LRRC4C: variants seen among roughly 807,000 people sequenced by gnomAD.
LRRC4C encodes leucine-rich repeat-containing protein 4C.
In LRRC4C, 5 loss-of-function variants were observed where a neutral mutation model predicts 33.6. The observed-to-expected ratio is 0.15, with a 90% CI of 0.08 to 0.31. The LOEUF is 0.31. LRRC4C is among the 10% of genes least tolerant of loss of function. The probability of loss-of-function intolerance (pLI) is 1.00; values close to 1 mark genes in which losing one functional copy is unlikely to be tolerated. For missense variants in LRRC4C, 560 were observed against 796.7 expected (o/e 0.70, Z 3.58); for synonymous variants, 329 against 302.0 (o/e 1.09, Z -0.93).
intron 3 of LRRC4C, among the ~76,000 whole-genome samples, chr11:40,470,724 C>A (rs115417797): frequency 2.6e-5 from 4 of 152,094 alleles, no homozygotes; most frequent in East Asian, 1.9e-4. Flanking sequence ...CAGCACGAGA[C>A]CTTTGTGAAG....
chr11:41,018,509 G>C (rs1191592029), intron 1 of LRRC4C, among the ~76,000 whole-genome samples: 2 of 152,106 alleles, frequency 1.3e-5, no homozygotes, highest in Non-Finnish European at 2.9e-5. Context: ...TCTCATTTCA[G>C]CTTTTTATTT....
At chr11:41,092,176 A>T (rs557800657) in intron 1 of LRRC4C, among the ~76,000 whole-genome samples, 190 of 152,206 alleles carry the variant, frequency 1.2e-3, no homozygotes, top group African/African-American at 4.3e-3. Context: ...TGTATGGTTC[A>T]ATCTGATTTT....
chr11:40,227,400 C>T (rs1353577347), intron 5 of LRRC4C, among the ~76,000 whole-genome samples: 2 of 152,176 alleles, frequency 1.3e-5, no homozygotes, highest in Non-Finnish European at 1.5e-5. Context: ...ATTCTCTCTT[C>T]CTTTAACCAC....
rs754157377 is a variant in LRRC4C, at chr11:40,165,407, TTGTC to T, written c.-95-24558_-95-24555del. Among the ~76,000 whole-genome samples the T allele has an allele frequency of 9.2e-5, 14 of 151,962 alleles. No homozygotes were observed. In the East Asian group the frequency reaches 9.6e-4, roughly 10 times the overall value. ...TATGTGTCTATGTTTATGCGTCTGT[TTGTC>T]TGTGTGTACAAAAGGCTTGAAGGAG... On this transcript the variant is annotated intron_variant, in intron 5 of 6. Coordinates refer to ENST00000528697, the MANE Select transcript of LRRC4C (RefSeq NM_001258419.2).
chr11:40,123,224 T>C lies in LRRC4C; in HGVS notation c.-42-6890A>G, dbSNP rs550916662. Among the ~76,000 whole-genome samples the C allele has an allele frequency of 2.5e-3, 375 of 152,168 alleles. 4 individuals carry two copies. The highest frequency in any genetic ancestry group is 8.7e-3 in the African/African-American group (360 of 41,532). On this transcript the variant is annotated intron_variant, in intron 6 of 6. Transcript: ENST00000528697. ...TGCTCCAATAATACTATTTATAGTA[T>C]AAAATGATATTTTTGGAAATTGTAG...
chr11:40,409,225 C>T (rs1164911859), intron 3 of LRRC4C, among the ~76,000 whole-genome samples: 1 of 151,832 alleles, frequency 6.6e-6, no homozygotes, highest in Admixed American at 6.6e-5. Context: ...ATCTTCAGTT[C>T]ACATCATTTA....
At chr11:40,991,041 C>T (rs1180931976) in intron 1 of LRRC4C, among the ~76,000 whole-genome samples, 2 of 142,756 alleles carry the variant, frequency 1.4e-5, no homozygotes, top group African/African-American at 5.2e-5. Flanking sequence ...TGGCTACCAA[C>T]AGTCATTTTC....
chr11:40,738,829 T>G (rs1351867045), intron 2 of LRRC4C, among the ~76,000 whole-genome samples: 4 of 152,170 alleles, frequency 2.6e-5, no homozygotes, highest in African/African-American at 9.6e-5. Flanking sequence ...ATTGGCTGAA[T>G]AAAATAGTCT....
intron 3 of LRRC4C, among the ~76,000 whole-genome samples, chr11:40,427,330 C>A (rs553517137): frequency 6.6e-6 from 1 of 151,632 alleles, no homozygotes; most frequent in Non-Finnish European, 1.5e-5. Context: ...GTCATGAAAC[C>A]ACATCTCTAC....
intron 1 of LRRC4C, among the ~76,000 whole-genome samples, chr11:41,064,986 T>A (rs960883617): frequency 3.9e-5 from 6 of 152,148 alleles, no homozygotes; most frequent in Admixed American, 3.9e-4. Flanking sequence ...GGGTGGCTGT[T>A]CAGGCAGGCA....
rs115889962 is a variant in LRRC4C at position 40,795,239 on chromosome 11, G to C, written c.-407+138396C>G. On this transcript the variant is annotated intron_variant, in intron 2 of 6. Transcript: ENST00000528697. ...ATCCATATATGCTACCATTAGAAGG[G>C]AAGGAAAGACTGGGCGCGGTGGCTC... Among the ~76,000 whole-genome samples, 1,429 of 152,196 alleles carry C rather than the reference G, an allele frequency of 9.4e-3. 28 individuals are homozygous for C. Among genetic ancestry groups the C allele is most frequent in the African/African-American group, 0.033 (1,354 of 41,540 alleles).
chr11:40,897,596 T>G (rs1188056845), intron 2 of LRRC4C, among the ~76,000 whole-genome samples: 3 of 152,218 alleles, frequency 2.0e-5, no homozygotes, highest in Admixed American at 1.3e-4. Flanking sequence ...AAAGAATGAC[T>G]TTGCTTATCC....
intron 1 of LRRC4C, among the ~76,000 whole-genome samples, chr11:41,312,025 A>T (rs996250930): frequency 6.6e-6 from 1 of 152,228 alleles, no homozygotes; most frequent in Non-Finnish European, 1.5e-5. Context: ...GACACGTTTT[A>T]TCAATTAACA....
intron 1 of LRRC4C, among the ~76,000 whole-genome samples, chr11:41,136,435 G>A (rs1431747241): frequency 6.6e-6 from 1 of 152,072 alleles, no homozygotes; most frequent in East Asian, 1.9e-4. Flanking sequence ...TACAACTAGA[G>A]GGATAAAGAA....
chr11:41,233,750 T>C (rs1488656417), intron 1 of LRRC4C, among the ~76,000 whole-genome samples: 1 of 152,086 alleles, frequency 6.6e-6, no homozygotes, highest in Non-Finnish European at 1.5e-5. Flanking sequence ...AGCTTTCTTT[T>C]ATTCATCATA....
chr11:40,182,247 G>A (rs1286502662), intron 5 of LRRC4C, among the ~76,000 whole-genome samples: 4 of 152,092 alleles, frequency 2.6e-5, no homozygotes, highest in Middle Eastern at 3.2e-3. Context: ...TATGAGATGT[G>A]TATTACATCC....
intron 3 of LRRC4C, among the ~76,000 whole-genome samples, chr11:40,526,252 C>G (rs1277581311): frequency 6.6e-6 from 1 of 151,968 alleles, no homozygotes; most frequent in Non-Finnish European, 1.5e-5. Context: ...TTAAAAATAA[C>G]TTTTGTTAAT....
chr11:41,340,603 T>G (rs1951602445), intron 1 of LRRC4C, among the ~76,000 whole-genome samples: 1 of 152,154 alleles, frequency 6.6e-6, no homozygotes, highest in Non-Finnish European at 1.5e-5. Flanking sequence ...TTTGGGGCCC[T>G]TATCCAAAGA....
chr11:41,246,720 G>A (rs1232265276), intron 1 of LRRC4C, among the ~76,000 whole-genome samples: 1 of 152,160 alleles, frequency 6.6e-6, no homozygotes, highest in Non-Finnish European at 1.5e-5. Context: ...TATTATTTTT[G>A]TTGTTCTTGT....
Sources: allele counts gnomAD v4.1 joint callset (sites outside exome capture counted in the v4.1 genomes callset), GRCh38; gene constraint gnomAD v4.1.1; transcripts MANE v1.5; gene names NCBI Gene and HGNC (gene_info 2026-07-23, HGNC 2026-07-21).